Variants in ANKS1B observed in about 807,000 individuals in gnomAD.
ANKS1B encodes ankyrin repeat and sterile alpha motif domain containing 1B.
A neutral mutation model predicts 148.3 loss-of-function variants in ANKS1B; 36 were observed. That is an observed-to-expected ratio of 0.24 (90% CI 0.19 to 0.32). The LOEUF (loss-of-function observed/expected upper bound fraction) is 0.32, where lower values mean the gene tolerates loss of function less well. ANKS1B is among the 10% of genes least tolerant of loss of function. The pLI is 1.00. For missense variants in ANKS1B, 1,157 were observed against 1,542.6 expected, an observed-to-expected ratio of 0.75 and a Z score of 4.19; for synonymous variants, 542 against 560.8, an observed-to-expected ratio of 0.97 and a Z score of 0.47.
intron 12 of ANKS1B, among the ~76,000 whole-genome samples, chr12:99,353,702 T>G (rs919804274): frequency 6.6e-6 from 1 of 152,042 alleles, no homozygotes; most frequent in Non-Finnish European, 1.5e-5. Flanking sequence ...TTTTAGATCA[T>G]GTCCCATCCA....
intron 11 of ANKS1B, among the ~76,000 whole-genome samples, chr12:99,433,256 T>A (rs951431481): frequency 6.6e-6 from 1 of 152,132 alleles, no homozygotes; most frequent in African/African-American, 2.4e-5. Context: ...GTCATATCTG[T>A]TAATATTTAT....
intron 9 of ANKS1B, among the ~76,000 whole-genome samples, chr12:99,635,692 G>A (rs562646764): frequency 6.6e-6 from 1 of 152,184 alleles, no homozygotes; most frequent in African/African-American, 2.4e-5. Context: ...ACAATAACAT[G>A]AATACAATTA....
At position 99,646,652 on chromosome 12, in the gene ANKS1B, CAAAAAAAAAAA is replaced by C. The variant is rs35481645; in HGVS notation, c.1272+8404_1272+8414del. ...CGGGTGACAGAGTGAGACTCCATCT[CAAAAAAAAAAA>C]AAAAAAAAAAAAAAAAGACTCAACT... On this transcript the variant is annotated intron_variant, in intron 9 of 26. Transcript: ENST00000683438. Among the ~76,000 whole-genome samples the C allele has an allele frequency of 3.1e-4, 11 of 35,904 alleles. No individual in the cohort carries two copies. In the South Asian group the frequency reaches 9.5e-3, roughly 31 times the overall value. 23.6% of individuals were successfully genotyped at this position (35,904 alleles called of 152,430 possible). A position where few individuals can be genotyped will look rare whatever the true frequency, so the allele number is the denominator to read the frequency against.
chr12:99,257,963 C>A (rs2075475549), intron 12 of ANKS1B, among the ~76,000 whole-genome samples: 1 of 152,176 alleles, frequency 6.6e-6, no homozygotes, highest in Admixed American at 6.5e-5. Flanking sequence ...GTGACTGGAG[C>A]AGGCAATGTC....
chr12:99,673,359 A>G (rs1161643560), intron 8 of ANKS1B, among the ~76,000 whole-genome samples: 2 of 152,110 alleles, frequency 1.3e-5, no homozygotes, highest in Non-Finnish European at 2.9e-5. Flanking sequence ...GGCAAATAAT[A>G]GAAACTGACT....
At chr12:98,938,191 A>G (rs1294687572) in intron 17 of ANKS1B, among the ~76,000 whole-genome samples, 1 of 152,222 alleles carries the variant, frequency 6.6e-6, no homozygotes, top group African/African-American at 2.4e-5. Context: ...CTATGCAAAT[A>G]GCAAATAAGC....
chr12:98,840,296 T>TA (rs922404602), intron 17 of ANKS1B, among the ~76,000 whole-genome samples: 9 of 152,126 alleles, frequency 5.9e-5, no homozygotes, highest in Non-Finnish European at 1.0e-4. Flanking sequence ...CCACTTCATC[T>TA]AAAAAAAATC....
At chr12:99,516,136 G>T (rs73379556) in intron 9 of ANKS1B, among the ~76,000 whole-genome samples, 9,779 of 152,000 alleles carry the variant, frequency 0.064, 992 homozygotes, top group African/African-American at 0.22. Context: ...CCCTTGCTGT[G>T]CAGAAGCTTT....
At chr12:99,963,101 C>T (rs1167540970) in intron 1 of ANKS1B, among the ~76,000 whole-genome samples, 2 of 152,232 alleles carry the variant, frequency 1.3e-5, no homozygotes, top group South Asian at 4.1e-4. Flanking sequence ...GCGTGAGCCA[C>T]TGTGCCCGGC....
At chr12:99,339,820 T>G (rs527349354) in intron 12 of ANKS1B, among the ~76,000 whole-genome samples, 2 of 152,242 alleles carry the variant, frequency 1.3e-5, no homozygotes, top group Non-Finnish European at 2.9e-5. Context: ...CAGTCTCCAC[T>G]TTCGCACAAA....
intron 8 of ANKS1B, among the ~76,000 whole-genome samples, chr12:99,662,731 T>G (rs2098483706): frequency 6.6e-6 from 1 of 152,158 alleles, no homozygotes; most frequent in Non-Finnish European, 1.5e-5. Flanking sequence ...CAATTTACAT[T>G]TTACCACAAA....
At position 98,744,259 on chromosome 12, in the gene ANKS1B, T is replaced by A; in HGVS notation, c.*1480A>T. Reference sequence around the variant, plus strand: ...ATATTGTATTAAAATTCTTCAACACTGAACTAAAACCGTATACATTTGTTA... The same window carrying A: ...ATATTGTATTAAAATTCTTCAACACAGAACTAAAACCGTATACATTTGTTA... On this transcript the variant is annotated 3_prime_UTR_variant, in exon 27 of 27. Transcript: ENST00000683438. The A allele has an allele frequency of 1.1e-6, 1 of 947,590 alleles. No homozygotes were observed. 58.7% of individuals were successfully genotyped at this position (947,590 alleles called of 1,614,324 possible).
At chr12:99,785,980 T>C (rs968049928) in intron 4 of ANKS1B, among the ~76,000 whole-genome samples, 1 of 152,216 alleles carries the variant, frequency 6.6e-6, no homozygotes, top group South Asian at 2.1e-4. Context: ...TGGAAACTGA[T>C]TCGGCTCTTA....
intron 12 of ANKS1B, among the ~76,000 whole-genome samples, chr12:99,277,337 T>C (rs1039057388): frequency 6.6e-6 from 1 of 152,088 alleles, no homozygotes; most frequent in Non-Finnish European, 1.5e-5. Flanking sequence ...AAAAACAAAA[T>C]CACTGGATTC....
At chr12:99,657,835 A>C (rs1317848102) in intron 8 of ANKS1B, among the ~76,000 whole-genome samples, 1 of 142,892 alleles carries the variant, frequency 7.0e-6, no homozygotes, top group Non-Finnish European at 1.5e-5. Context: ...TATTTTGTTA[A>C]TGGTGCTACA....
chr12:99,711,787 G>C (rs1374199526), intron 8 of ANKS1B, among the ~76,000 whole-genome samples: 4 of 152,182 alleles, frequency 2.6e-5, no homozygotes, highest in Non-Finnish European at 5.9e-5. Context: ...AGACAGTGTG[G>C]AAATTCCTCA....
At position 99,154,334 on chromosome 12, in the gene ANKS1B, G is replaced by A. The variant is rs557728547; in HGVS notation, c.2481C>T (p.Tyr827=). 8 of 1,613,772 alleles carry A rather than the reference G, an allele frequency of 5.0e-6. No homozygotes were observed. The African/African-American group carries it at 5.3e-5, about 11-fold the overall frequency. Residue 827 remains tyrosine (Y), a synonymous_variant, in exon 15 of 27, where the codon TAC becomes TAT. Coordinates refer to ENST00000683438, the MANE Select transcript of ANKS1B (RefSeq NM_001352186.2). ...QWLESIGLPQ[Y]ENHLMANGFD... ...ATCCATTAGCCATCAGGTGGTTCTC[G>A]TACTGAGGTAGCCCAATGCTTTCCA... is the stretch of plus-strand genomic sequence containing the variant.
At chr12:99,382,501 G>A (rs2093679468) in intron 12 of ANKS1B, among the ~76,000 whole-genome samples, 1 of 151,850 alleles carries the variant, frequency 6.6e-6, no homozygotes, top group Non-Finnish European at 1.5e-5. Flanking sequence ...CCAGGAATTC[G>A]AGACCAGTCA....
chr12:99,458,446 A>C (rs2095883140), intron 10 of ANKS1B, among the ~76,000 whole-genome samples: 1 of 151,710 alleles, frequency 6.6e-6, no homozygotes, highest in Non-Finnish European at 1.5e-5. Flanking sequence ...AATTGAAAAA[A>C]AAAAAATACA....
Sources: gnomAD v4.1 joint callset for allele counts (sites outside exome capture counted in the v4.1 genomes callset) on GRCh38, gnomAD v4.1.1 for gene constraint, MANE v1.5 for transcripts, NCBI Gene and HGNC (gene_info 2026-07-23, HGNC 2026-07-21) for gene names.